The following ZNF423 variants were observed in gnomAD, a reference collection of about 807,000 sequenced individuals.
ZNF423 encodes zinc finger protein 423, also known as Ebf-associated zinc finger protein.
A neutral mutation model predicts 95.8 loss-of-function variants in ZNF423; 12 were observed. That is an observed-to-expected ratio of 0.13 (90% confidence interval 0.08 to 0.20). The LOEUF (loss-of-function observed/expected upper bound fraction) is 0.20, where lower values mean the gene tolerates loss of function less well. Ranked by LOEUF, ZNF423 falls within the 10% of genes least tolerant of loss-of-function variation. ZNF423 has a pLI of 1.00. For synonymous variants in ZNF423, 749 were observed against 711.9 expected, an observed-to-expected ratio of 1.05 and a Z score of -0.83; for missense variants, 1,316 against 1,737.1, an observed-to-expected ratio of 0.76 and a Z score of 4.31.
chr16:49,684,291 A>T (rs1166952060), intron 3 of ZNF423, among the ~76,000 whole-genome samples: 3 of 152,182 alleles, frequency 2.0e-5, no homozygotes, highest in Non-Finnish European at 4.4e-5. Context: ...TCAAAATACA[A>T]CTAACTGTGT....
intron 4 of ZNF423, among the ~76,000 whole-genome samples, chr16:49,628,534 T>TCC (rs1972387514): frequency 6.6e-6 from 1 of 150,874 alleles, no homozygotes; most frequent in African/African-American, 2.4e-5. Flanking sequence ...TCCATCCATC[T>TCC]ATCCATCCAT....
At chr16:49,809,699 G>A (rs1033587909) in intron 1 of ZNF423, among the ~76,000 whole-genome samples, 5 of 152,202 alleles carry the variant, frequency 3.3e-5, no homozygotes, top group Admixed American at 1.3e-4. Context: ...ACCCCCGGGT[G>A]GGTTAGCACA....
intron 3 of ZNF423, among the ~76,000 whole-genome samples, chr16:49,667,856 A>G (rs2030617576): frequency 6.6e-6 from 1 of 152,224 alleles, no homozygotes; most frequent in South Asian, 2.1e-4. Context: ...ACTGCACTCC[A>G]GCCTGGGCAA....
intron 4 of ZNF423, among the ~76,000 whole-genome samples, chr16:49,631,936 G>C (rs1297399568): frequency 6.6e-6 from 1 of 152,182 alleles, no homozygotes; most frequent in Admixed American, 6.5e-5. Flanking sequence ...CCCACTGTCT[G>C]AGCTGCCATT....
At chr16:49,596,404 C>T (rs965046395) in intron 5 of ZNF423, among the ~76,000 whole-genome samples, 3 of 152,150 alleles carry the variant, frequency 2.0e-5, no homozygotes, top group African/African-American at 4.8e-5. Flanking sequence ...CCTTCCCCCT[C>T]GATTCCAGAG....
chr16:49,769,546 T>G (rs1317856686), intron 2 of ZNF423, among the ~76,000 whole-genome samples: 1 of 151,980 alleles, frequency 6.6e-6, no homozygotes, highest in African/African-American at 2.4e-5. Context: ...CTTCCAGATA[T>G]AAACCTGATC....
At chr16:49,756,641 T>C (rs562295954) in intron 2 of ZNF423, among the ~76,000 whole-genome samples, 79 of 152,184 alleles carry the variant, frequency 5.2e-4, no homozygotes, top group African/African-American at 1.8e-3. Flanking sequence ...AAGCTTCAAG[T>C]TGGAAGGGAC....
chr16:49,720,124 G>A (rs1478513917), intron 3 of ZNF423, among the ~76,000 whole-genome samples: 1 of 152,226 alleles, frequency 6.6e-6, no homozygotes, highest in Non-Finnish European at 1.5e-5. Flanking sequence ...AAGCAGCAGA[G>A]GTTCAGGGGG....
chr16:49,525,560 G>A, intron 5 of ZNF423, 66 bp from the exon 6 acceptor site: 4 of 1,601,944 alleles, frequency 2.5e-6, no homozygotes, highest in African/African-American at 1.3e-5. Context: ...GTGCTCACAA[G>A]GCCTCCCATA....
chr16:49,638,390 C>G lies in ZNF423; in HGVS notation c.786G>C (p.Ser262=). Residue 262 remains serine (S), a synonymous_variant, in exon 4 of 8, where the codon TCG becomes TCC. Transcript: ENST00000563137. The surrounding 1 kb of genome is among the most constrained non-coding windows in gnomAD (Gnocchi z 5.6). ...HKKNKEHLAK[S]EKEAKKDDFM... ...AGTCGTCCTTCTTGGCTTCCTTCTC[C>G]GACTTGGCCAGATGCTCCTTGTTCT... The G allele has an allele frequency of 6.2e-7, 1 of 1,613,976 alleles. No individual in the cohort carries two copies. The highest frequency in any genetic ancestry group is 2.2e-5 in the East Asian group (1 of 44,872).
chr16:49,771,192 C>CTTTTTTTTTTTTTTTTTTTTTT (rs71380376), intron 2 of ZNF423, among the ~76,000 whole-genome samples: 1 of 89,436 alleles, frequency 1.1e-5, no homozygotes, highest in Non-Finnish European at 2.0e-5. Flanking sequence ...TTTTTTTTTT[C>CTTTTTTTTTTTTTTTTTTTTTT]TTTTTTTTTT....
At chr16:49,607,480 A>T (rs1971576736) in intron 5 of ZNF423, among the ~76,000 whole-genome samples, 1 of 152,196 alleles carries the variant, frequency 6.6e-6, no homozygotes, top group Non-Finnish European at 1.5e-5. Context: ...CTGGGGGCAG[A>T]TCACCAAAAC....
chr16:49,739,695 GGTTTT>G (rs2033373448), intron 2 of ZNF423, among the ~76,000 whole-genome samples: 3 of 132,730 alleles, frequency 2.3e-5, no homozygotes, highest in Non-Finnish European at 3.2e-5. Context: ...GTTTTTGTTT[GGTTTT>G]TTTTTTTTTT....
intron 3 of ZNF423, among the ~76,000 whole-genome samples, chr16:49,696,745 G>A (rs532493783): frequency 6.6e-6 from 1 of 151,844 alleles, no homozygotes; most frequent in African/African-American, 2.4e-5. Context: ...CTCATTAAGT[G>A]CCTGACCTCA....
intron 1 of ZNF423, among the ~76,000 whole-genome samples, chr16:49,839,394 C>T (rs1273980318): frequency 2.0e-5 from 3 of 152,128 alleles, no homozygotes; most frequent in Non-Finnish European, 2.9e-5. Context: ...CCCCATGTGC[C>T]CATCTGTCAG....
intron 1 of ZNF423, among the ~76,000 whole-genome samples, chr16:49,832,759 A>T (rs1179768413): frequency 2.0e-5 from 3 of 152,150 alleles, no homozygotes; most frequent in Non-Finnish European, 4.4e-5. Flanking sequence ...ACTTCAGCCA[A>T]GGTCTGGACT....
At chr16:49,714,779 A>G (rs1465562518) in intron 3 of ZNF423, among the ~76,000 whole-genome samples, 1 of 152,130 alleles carries the variant, frequency 6.6e-6, no homozygotes, top group African/African-American at 2.4e-5. Flanking sequence ...TAATTTAAAA[A>G]TAAAAATGGG....
Position 49,638,874 on chromosome 16 carries a change from T to A in ZNF423, c.302A>T (p.Asp101Val). Reference sequence around the variant, plus strand: ...GGAGAGTTGTGGGTCGTCATCACCATCTGCAAGAGAAGGCAGAGAGGATAT... The same window carrying A: ...GGAGAGTTGTGGGTCGTCATCACCAACTGCAAGAGAAGGCAGAGAGGATAT... ...TDHRAHRCPGDGDDDPQLSWV... is the reference protein window; with the variant it reads ...TDHRAHRCPGVGDDDPQLSWV... Residue 101 changes from aspartate (D) to valine (V), a missense_variant and splice_region_variant, in exon 4 of 8, where the codon GAT becomes GTT. Around this residue, in one of 6 missense-constraint regions of ZNF423, gnomAD observed 155 missense variants for 170.8 expected, o/e 0.91. Transcript: ENST00000563137. The surrounding 1 kb of genome is among the most constrained non-coding windows in gnomAD (Gnocchi z 5.6). 3 of 1,600,648 alleles carry A rather than the reference T, an allele frequency of 1.9e-6. 1 individual carries two copies. The highest frequency in any genetic ancestry group is 3.3e-4 in the Middle Eastern group (2 of 6,010).
At chr16:49,588,268 G>A (rs1970903245) in intron 5 of ZNF423, among the ~76,000 whole-genome samples, 1 of 152,170 alleles carries the variant, frequency 6.6e-6, no homozygotes, top group South Asian at 2.1e-4. Context: ...GAAGACCATG[G>A]GCATCCATGT....
Sources: allele counts gnomAD v4.1 joint callset (sites outside exome capture counted in the v4.1 genomes callset), GRCh38; gene constraint gnomAD v4.1.1; regional missense constraint gnomAD v4.1.1; non-coding constraint Gnocchi (gnomAD v3.1); transcripts MANE v1.5; gene names NCBI Gene and HGNC (gene_info 2026-07-23, HGNC 2026-07-21).